Variants in THSD4 observed in about 807,000 individuals in gnomAD.
THSD4 encodes the protein thrombospondin type 1 domain containing 4.
Under a neutral mutation model 119.0 loss-of-function variants are expected in THSD4, and 69 were observed. The observed-to-expected ratio is 0.58, with a 90% CI of 0.48 to 0.71. THSD4 has a LOEUF of 0.71. Ranked by LOEUF, THSD4 falls within the 30% of genes least tolerant of loss-of-function variation. The probability of loss-of-function intolerance (pLI) is 0.00; values close to 1 mark genes in which losing one functional copy is unlikely to be tolerated. For synonymous variants in THSD4, 524 were observed against 540.4 expected, an observed-to-expected ratio of 0.97 and a Z score of 0.42; for missense variants, 1,393 against 1,391.1, an observed-to-expected ratio of 1.00 and a Z score of -0.02.
At chr15:71,366,971 G>T (rs1351955839) in intron 6 of THSD4, among the ~76,000 whole-genome samples, 1 of 152,168 alleles carries the variant, frequency 6.6e-6, no homozygotes, top group African/African-American at 2.4e-5. Context: ...TCTCTCCAAA[G>T]AGCTCCTCTT....
At chr15:71,264,949 C>T (rs2044446777) in intron 6 of THSD4, among the ~76,000 whole-genome samples, 1 of 151,986 alleles carries the variant, frequency 6.6e-6, no homozygotes. Flanking sequence ...TAACCCCCAG[C>T]GTATTTGAAG....
intron 7 of THSD4, among the ~76,000 whole-genome samples, chr15:71,457,025 C>G (rs930263301): frequency 6.6e-6 from 1 of 152,096 alleles, no homozygotes; most frequent in East Asian, 1.9e-4. Flanking sequence ...TGAACTTTGT[C>G]TCATGAACAT....
At chr15:71,155,188 C>T (rs188883453) in intron 3 of THSD4, among the ~76,000 whole-genome samples, 148 of 152,264 alleles carry the variant, frequency 9.7e-4, no homozygotes, top group African/African-American at 3.4e-3. Context: ...TGGTCATCTG[C>T]GTGGCTTCTG....
intron 6 of THSD4, among the ~76,000 whole-genome samples, chr15:71,330,048 A>G (rs1203768519): frequency 6.6e-6 from 1 of 151,648 alleles, no homozygotes; most frequent in Non-Finnish European, 1.5e-5. Context: ...CCATTGCACA[A>G]TCTAAACTGG....
At chr15:71,742,848 A>C (rs1449396691) in intron 11 of THSD4, among the ~76,000 whole-genome samples, 1 of 152,126 alleles carries the variant, frequency 6.6e-6, no homozygotes, top group Non-Finnish European at 1.5e-5. Flanking sequence ...TGAGGTCAGG[A>C]GTTTAAGACA....
At chr15:71,649,931 G>A (rs1440635471) in intron 7 of THSD4, among the ~76,000 whole-genome samples, 1 of 152,184 alleles carries the variant, frequency 6.6e-6, no homozygotes, top group Non-Finnish European at 1.5e-5. Context: ...AAGGAAGTCA[G>A]AAAAGGACTG....
At position 71,528,484 on chromosome 15, in the gene THSD4, C is replaced by T. The variant is rs2140805822; in HGVS notation, c.1152+116661C>T. On this transcript the variant is annotated intron_variant, in intron 7 of 17. Coordinates refer to ENST00000261862, the MANE Select transcript of THSD4 (RefSeq NM_024817.3). Reference sequence around the variant, plus strand: ...AAAGTGTAACTCATTACTACTGCAACCTTTAGTAGAGTTGTCCACTTCTGT... The same window carrying T: ...AAAGTGTAACTCATTACTACTGCAATCTTTAGTAGAGTTGTCCACTTCTGT... Among the ~76,000 whole-genome samples, 4 of 152,274 alleles carry T rather than the reference C, an allele frequency of 2.6e-5. 1 individual carries two copies. The South Asian group carries it at 8.3e-4, about 32-fold the overall frequency.
intron 7 of THSD4, among the ~76,000 whole-genome samples, chr15:71,643,463 C>G (rs1051205894): frequency 1.3e-5 from 2 of 152,100 alleles, no homozygotes; most frequent in Admixed American, 6.6e-5. Flanking sequence ...CTTTCTCCCA[C>G]CCTCCATCCT....
chr15:71,447,438 C>T (rs968587746), intron 7 of THSD4, among the ~76,000 whole-genome samples: 2 of 152,114 alleles, frequency 1.3e-5, no homozygotes, highest in African/African-American at 4.8e-5. Flanking sequence ...GCCCTTTCCT[C>T]CTCTTTGCCA....
chr15:71,689,830 G>C (rs2052008951), intron 8 of THSD4, among the ~76,000 whole-genome samples: 1 of 152,228 alleles, frequency 6.6e-6, no homozygotes, highest in South Asian at 2.1e-4. Context: ...TTTGGGTTCT[G>C]AGTCCAGAAT....
rs970482838 is a variant in THSD4 at position 71,366,743 on chromosome 15, A to G, written c.1016-44944A>G. ...CACATTATTTGCTCCGATCATCTCCAAGAGAACAGTACTCAACAGGCACCT... is the reference window on the plus strand; with the variant it reads ...CACATTATTTGCTCCGATCATCTCCGAGAGAACAGTACTCAACAGGCACCT... On this transcript the variant is annotated intron_variant, in intron 6 of 17. Coordinates refer to ENST00000261862, the MANE Select transcript of THSD4 (RefSeq NM_024817.3). Among the ~76,000 whole-genome samples, 7 of 152,238 alleles carry G rather than the reference A, an allele frequency of 4.6e-5. No individual in the cohort carries two copies. The South Asian group carries it at 8.3e-4, about 18-fold the overall frequency.
intron 13 of THSD4, 54 bp from the exon 14 acceptor site, chr15:71,748,367 C>A: frequency 1.2e-6 from 2 of 1,600,762 alleles, no homozygotes; most frequent in Non-Finnish European, 1.7e-6. Context: ...ACTGGCAATT[C>A]TCTCCCAGAG....
At chr15:71,355,369 C>G (rs1047369107) in intron 6 of THSD4, among the ~76,000 whole-genome samples, 1 of 152,160 alleles carries the variant, frequency 6.6e-6, no homozygotes, top group African/African-American at 2.4e-5. Context: ...TTTCCTCCAG[C>G]TAGTTTAAAG....
chr15:71,727,343 TG>T (rs111507238), intron 8 of THSD4, among the ~76,000 whole-genome samples: 12 of 151,936 alleles, frequency 7.9e-5, no homozygotes, highest in African/African-American at 2.9e-4. Flanking sequence ...GAAAATCATG[TG>T]ACCCTCTTAG....
chr15:71,415,118 C>A (rs1234813361), intron 7 of THSD4, among the ~76,000 whole-genome samples: 1 of 152,206 alleles, frequency 6.6e-6, no homozygotes, highest in Non-Finnish European at 1.5e-5. Context: ...GCGTCTGCAT[C>A]TGAAATAGTG....
intron 6 of THSD4, among the ~76,000 whole-genome samples, chr15:71,366,094 G>C: frequency 6.6e-6 from 1 of 152,120 alleles, no homozygotes; most frequent in South Asian, 2.1e-4. Flanking sequence ...GTTTTGTTTA[G>C]ATGGAGTCTC....
intron 7 of THSD4, among the ~76,000 whole-genome samples, chr15:71,615,481 A>G (rs1378150603): frequency 6.6e-6 from 1 of 152,112 alleles, no homozygotes; most frequent in Non-Finnish European, 1.5e-5. Context: ...TTATATAAAT[A>G]TATGTAATTA....
intron 8 of THSD4, among the ~76,000 whole-genome samples, chr15:71,716,516 C>T (rs149372657): frequency 3.5e-4 from 53 of 150,112 alleles, no homozygotes; most frequent in African/African-American, 1.3e-3. Flanking sequence ...TGATTTAATT[C>T]TTTTTGTTCA....
intron 7 of THSD4, among the ~76,000 whole-genome samples, chr15:71,455,028 C>T (rs775227310): frequency 1.3e-4 from 20 of 152,200 alleles, no homozygotes; most frequent in Non-Finnish European, 2.6e-4. Flanking sequence ...CCACCTTTGT[C>T]ACCCACAAAT....
Sources: allele counts gnomAD v4.1 joint callset (sites outside exome capture counted in the v4.1 genomes callset), GRCh38; gene constraint gnomAD v4.1.1; transcripts MANE v1.5; gene names NCBI Gene and HGNC (gene_info 2026-07-23, HGNC 2026-07-21).